Variants in PCDHA8 observed in about 807,000 individuals in gnomAD.
PCDHA8 encodes the protein protocadherin alpha-8.
Under a neutral mutation model 61.8 loss-of-function variants are expected in PCDHA8, and 53 were observed. The observed-to-expected ratio is 0.86, with a 90% CI of 0.69 to 1.08. The LOEUF (loss-of-function observed/expected upper bound fraction) is 1.08, where lower values mean the gene tolerates loss of function less well. PCDHA8 is among the 50% of genes least tolerant of loss of function. PCDHA8 has a pLI of 0.00. For synonymous variants in PCDHA8, 618 were observed against 556.6 expected, an observed-to-expected ratio of 1.11 and a Z score of -1.55; for missense variants, 1,293 against 1,245.0, an observed-to-expected ratio of 1.04 and a Z score of -0.58.
At chr5:140,969,519 G>T in intron 1 of PCDHA8, 2 of 1,406,074 alleles carry the variant, frequency 1.4e-6, no homozygotes, top group Admixed American at 2.8e-5. Context: ...CTAAAGAATT[G>T]TTTTATTTTT....
chr5:140,903,402 G>T (rs1293264385), intron 1 of PCDHA8, among the ~76,000 whole-genome samples: 6 of 152,192 alleles, frequency 3.9e-5, no homozygotes, highest in Non-Finnish European at 5.9e-5. Context: ...AAACAGTAGT[G>T]CAGTCAGGAA....
At chr5:140,917,334 G>T (rs1466426021) in intron 1 of PCDHA8, among the ~76,000 whole-genome samples, 7 of 147,628 alleles carry the variant, frequency 4.7e-5, no homozygotes, top group Admixed American at 4.1e-4. Context: ...CGGGGGAGGG[G>T]GGGGATGGTG....
intron 1 of PCDHA8, among the ~76,000 whole-genome samples, chr5:140,890,874 C>T (rs1337922727): frequency 6.6e-6 from 1 of 152,082 alleles, no homozygotes; most frequent in Admixed American, 6.6e-5. Flanking sequence ...CCCCTCTGAC[C>T]TTTCATCAGG....
At chr5:140,856,568 A>C in intron 1 of PCDHA8, 1 of 1,597,928 alleles carries the variant, frequency 6.3e-7, no homozygotes, top group Non-Finnish European at 8.6e-7. Flanking sequence ...ACTCAGTCCA[A>C]ATGAGTATTT....
At chr5:140,857,348 CT>C (rs2044532824) in intron 1 of PCDHA8, 1 of 1,598,398 alleles carries the variant, frequency 6.3e-7, no homozygotes, top group Non-Finnish European at 8.6e-7. Flanking sequence ...CTCGCCTCCG[CT>C]GTGGGCCACG....
intron 1 of PCDHA8, among the ~76,000 whole-genome samples, chr5:140,978,200 C>T (rs2096792236): frequency 6.6e-6 from 1 of 152,220 alleles, no homozygotes. Context: ...TTTCAATACA[C>T]AACTAATGCA....
chr5:140,931,279 C>T (rs73793526), intron 1 of PCDHA8, among the ~76,000 whole-genome samples: 2,016 of 152,088 alleles, frequency 0.013, 37 homozygotes, highest in African/African-American at 0.046. Context: ...CTTTTATTTT[C>T]ATTGCTTTCT....
intron 1 of PCDHA8, chr5:140,968,458 T>C: frequency 6.2e-7 from 1 of 1,614,148 alleles, no homozygotes; most frequent in East Asian, 2.2e-5. Flanking sequence ...GCACTGTGAC[T>C]GCCAACGTAT....
chr5:140,928,875 T>C (rs781860300), intron 1 of PCDHA8: 1 of 1,614,184 alleles, frequency 6.2e-7, no homozygotes, highest in Non-Finnish European at 8.5e-7. Context: ...ACTCTGTCCC[T>C]CAGTTACTTC....
At chr5:140,852,888 T>TA (rs1217426677) in intron 1 of PCDHA8, 2 of 919,976 alleles carry the variant, frequency 2.2e-6, no homozygotes, top group Non-Finnish European at 2.6e-6. Context: ...AAAACGTATT[T>TA]TTTTTTTTGA....
intron 1 of PCDHA8, among the ~76,000 whole-genome samples, chr5:140,969,836 T>C (rs1349045341): frequency 6.6e-6 from 1 of 152,224 alleles, no homozygotes; most frequent in Non-Finnish European, 1.5e-5. Flanking sequence ...ACAGTGGAAA[T>C]TATCTAGTTA....
intron 1 of PCDHA8, among the ~76,000 whole-genome samples, chr5:140,937,615 T>TCAAAAAAAAAAAAAAAAAAAAAAAA (rs1472779704): frequency 5.3e-5 from 8 of 149,546 alleles, no homozygotes; most frequent in African/African-American, 2.0e-4. Context: ...ATACTCCATC[T>TCAAAAAAAAAAAAAAAAAAAAAAAA]AAAAAGAAAA....
At position 140,842,920 on chromosome 5, in the gene PCDHA8, C is replaced by T. The variant is rs147542523; in HGVS notation, c.1599C>T (p.Phe533=). 687 of 1,594,406 alleles carry T rather than the reference C, an allele frequency of 4.3e-4. 58 individuals are homozygous for T. Among genetic ancestry groups the T allele is most frequent in the South Asian group, 7.6e-4 (69 of 90,466 alleles). Residue 533 remains phenylalanine, a synonymous_variant, in exon 1 of 4, where the codon TTC becomes TTT. Transcript: ENST00000531613. ...LDHEELELLQ[F]QVSARDAGVP... ...ACGAGGAGCTAGAGCTGCTGCAGTT[C>T]CAGGTGAGCGCGCGCGACGCGGGCG...
At chr5:140,898,965 G>A (rs2067069000) in intron 1 of PCDHA8, among the ~76,000 whole-genome samples, 1 of 152,044 alleles carries the variant, frequency 6.6e-6, no homozygotes, top group Non-Finnish European at 1.5e-5. Flanking sequence ...GTGAATGGGA[G>A]TTCACTCATG....
chr5:140,914,229 TA>T (rs1253173765), intron 1 of PCDHA8, among the ~76,000 whole-genome samples: 3 of 152,224 alleles, frequency 2.0e-5, no homozygotes, highest in Non-Finnish European at 4.4e-5. Flanking sequence ...GCTCTAATAC[TA>T]TTTGCTTTTT....
At chr5:140,871,482 T>C (rs535779359) in intron 1 of PCDHA8, 1 of 1,595,438 alleles carries the variant, frequency 6.3e-7, no homozygotes. Flanking sequence ...CAGGGTCAAA[T>C]CACCCCGGAC....
Position 140,856,989 on chromosome 5 carries a change from C to T in PCDHA8, c.2394+13274C>T. 3.1e-6 allele frequency: 5 copies of T among 1,595,206 alleles called. 1 individual carries two copies. The highest frequency in any genetic ancestry group is 1.1e-5 in the South Asian group (1 of 90,500). ...GCTATTGACTTTGAGGACAGTAACA[C>T]TTATGAAATTCATGTAGATGTTACA... is the stretch of plus-strand genomic sequence containing the variant. On this transcript the variant is annotated intron_variant, in intron 1 of 3. Transcript: ENST00000531613.
chr5:141,000,894 ATAGACGCT>A (rs1348330251), intron 3 of PCDHA8, among the ~76,000 whole-genome samples: 1 of 152,128 alleles, frequency 6.6e-6, no homozygotes, highest in African/African-American at 2.4e-5. Context: ...GGCAACAGAT[ATAGACGCT>A]GTCTCTAAAA....
intron 1 of PCDHA8, among the ~76,000 whole-genome samples, chr5:140,947,681 C>T (rs976876831): frequency 3.3e-5 from 5 of 151,572 alleles, no homozygotes; most frequent in Non-Finnish European, 5.9e-5. Context: ...AAAAAATTGT[C>T]TCAGCATGTT....
Sources: allele counts gnomAD v4.1 joint callset (sites outside exome capture counted in the v4.1 genomes callset), GRCh38; gene constraint gnomAD v4.1.1; transcripts MANE v1.5; gene names NCBI Gene and HGNC (gene_info 2026-07-23, HGNC 2026-07-21).